Variants in RASGRP3 observed in about 807,000 individuals in gnomAD.
The protein encoded by RASGRP3 is RAS guanyl releasing protein 3.
A neutral mutation model predicts 82.7 loss-of-function variants in RASGRP3; 54 were observed. The observed-to-expected ratio is 0.65, with a 90% CI of 0.52 to 0.82. RASGRP3 has a LOEUF of 0.82. Ranked by LOEUF, RASGRP3 falls within the 40% of genes least tolerant of loss-of-function variation. The pLI, the probability that RASGRP3 is intolerant of heterozygous loss-of-function variation, is 0.00. For synonymous variants in RASGRP3, 309 were observed against 300.5 expected, an observed-to-expected ratio of 1.03 and a Z score of -0.29; for missense variants, 861 against 828.9, an observed-to-expected ratio of 1.04 and a Z score of -0.48.
At chr2:33,490,557 T>C (rs554719561) in intron 1 of RASGRP3, among the ~76,000 whole-genome samples, 1 of 152,244 alleles carries the variant, frequency 6.6e-6, no homozygotes, top group African/African-American at 2.4e-5. Context: ...AGCGTGCTTT[T>C]AAGTTTTCCT....
intron 14 of RASGRP3, among the ~76,000 whole-genome samples, chr2:33,554,639 A>AT (rs1168728629): frequency 6.6e-6 from 1 of 151,810 alleles, no homozygotes; most frequent in African/African-American, 2.4e-5. Context: ...TGACCAGCTA[A>AT]TTTTTTTGTA....
chr2:33,543,441 G>A (rs186368215), intron 12 of RASGRP3, 71 bp from the exon 13 acceptor site: 175 of 887,638 alleles, frequency 2.0e-4, no homozygotes, highest in East Asian at 1.6e-3. Flanking sequence ...GCTAGTTATC[G>A]TTGCTTTTGC....
chr2:33,554,423 T>C (rs1405516852), intron 14 of RASGRP3, among the ~76,000 whole-genome samples: 1 of 152,160 alleles, frequency 6.6e-6, no homozygotes, highest in African/African-American at 2.4e-5. Context: ...CTCTGGTGAA[T>C]CTGTCACCCC....
At chr2:33,461,445 T>A (rs111535715) in intron 2 of RASGRP3, among the ~76,000 whole-genome samples, 2 of 152,276 alleles carry the variant, frequency 1.3e-5, no homozygotes, top group African/African-American at 4.8e-5. Flanking sequence ...ACTCAGCTAA[T>A]TTTTGTATTT....
intron 1 of RASGRP3, among the ~76,000 whole-genome samples, chr2:33,498,177 T>C (rs974689416): frequency 1.3e-5 from 2 of 152,206 alleles, no homozygotes; most frequent in African/African-American, 2.4e-5. Context: ...TAACAGCAGC[T>C]AACACTCATT....
intron 10 of RASGRP3, among the ~76,000 whole-genome samples, chr2:33,530,327 T>C (rs562087072): frequency 7.9e-5 from 12 of 152,256 alleles, no homozygotes; most frequent in African/African-American, 2.6e-4. Flanking sequence ...TCAACAATTA[T>C]GAAATGCCTA....
chr2:33,485,585 C>T (rs1274519911), intron 1 of RASGRP3, among the ~76,000 whole-genome samples: 1 of 152,148 alleles, frequency 6.6e-6, no homozygotes, highest in African/African-American at 2.4e-5. Context: ...TGACAGTTTG[C>T]TTTAAAATAT....
chr2:33,554,851 C>T (rs1182195231), intron 14 of RASGRP3, among the ~76,000 whole-genome samples: 2 of 152,152 alleles, frequency 1.3e-5, no homozygotes, highest in Non-Finnish European at 2.9e-5. Context: ...CCTGAACCCC[C>T]TGGGCAAACG....
At chr2:33,547,066 AAAAAAAAAGAG>A (rs1195254488) in intron 13 of RASGRP3, among the ~76,000 whole-genome samples, 2 of 147,358 alleles carry the variant, frequency 1.4e-5, no homozygotes, top group African/African-American at 4.9e-5. Flanking sequence ...AAAAAAAAAA[AAAAAAAAAGAG>A]AGAGAGAATG....
At chr2:33,475,313 T>G (rs1479761772), upstream of RASGRP3, among the ~76,000 whole-genome samples, 2 of 152,254 alleles carry the variant, frequency 1.3e-5, no homozygotes, top group Non-Finnish European at 2.9e-5. Context: ...CTGAGGGTTT[T>G]TTGTCTTTTT....
chr2:33,509,799 C>A (rs538859807), intron 1 of RASGRP3, among the ~76,000 whole-genome samples: 1 of 152,196 alleles, frequency 6.6e-6, no homozygotes, highest in Non-Finnish European at 1.5e-5. Flanking sequence ...CTACCAGCCA[C>A]TCTAGTATTC....
chr2:33,515,808 C>T (rs1288566863), intron 3 of RASGRP3, among the ~76,000 whole-genome samples: 1 of 152,072 alleles, frequency 6.6e-6, no homozygotes, highest in Non-Finnish European at 1.5e-5. Context: ...AGAAAGTCAA[C>T]CCACATGGGA....
intron 2 of RASGRP3, among the ~76,000 whole-genome samples, chr2:33,462,373 T>TG (rs1323321444): frequency 6.9e-6 from 1 of 145,306 alleles, no homozygotes; most frequent in African/African-American, 2.5e-5. Flanking sequence ...AGGTTTTTTT[T>TG]TTTTGTTTTT....
intron 1 of RASGRP3, chr2:33,436,640 A>C (rs777746030): frequency 6.6e-6 from 1 of 152,246 alleles, no homozygotes; most frequent in Non-Finnish European, 1.5e-5. Flanking sequence ...AATGCACTTC[A>C]TGAACTATGG....
At chr2:33,552,122 A>T (rs1442931593) in intron 14 of RASGRP3, among the ~76,000 whole-genome samples, 1 of 152,216 alleles carries the variant, frequency 6.6e-6, no homozygotes, top group South Asian at 2.1e-4. Flanking sequence ...GCAGCAAGGT[A>T]GACTTTCTTG....
chr2:33,562,193 T>TCAA (rs1297773259), intron 17 of RASGRP3, among the ~76,000 whole-genome samples: 1 of 151,946 alleles, frequency 6.6e-6, no homozygotes, highest in African/African-American at 2.4e-5. Context: ...CCCTTTAAGG[T>TCAA]CAACATCCTA....
chr2:33,509,553 C>G (rs371573211), intron 1 of RASGRP3, among the ~76,000 whole-genome samples: 3 of 152,340 alleles, frequency 2.0e-5, no homozygotes, highest in African/African-American at 7.2e-5. Context: ...TGCCATAACA[C>G]TTTAGTCATT....
intron 11 of RASGRP3, among the ~76,000 whole-genome samples, chr2:33,535,449 C>T (rs770278102): frequency 6.6e-6 from 1 of 152,234 alleles, no homozygotes; most frequent in Non-Finnish European, 1.5e-5. Flanking sequence ...CTCATCCTTA[C>T]CAGCTGAACT....
At chr2:33,501,031 T>G (rs1669824808) in intron 1 of RASGRP3, among the ~76,000 whole-genome samples, 1 of 152,206 alleles carries the variant, frequency 6.6e-6, no homozygotes, top group East Asian at 1.9e-4. Context: ...GACAGCAATT[T>G]TATCACTCCA....
Sources: gnomAD v4.1 joint callset for allele counts (sites outside exome capture counted in the v4.1 genomes callset) on GRCh38, gnomAD v4.1.1 for gene constraint, MANE v1.5 for transcripts, NCBI Gene and HGNC (gene_info 2026-07-23, HGNC 2026-07-21) for gene names.